Variants in RABGEF1 observed in about 807,000 individuals in gnomAD.
The protein encoded by RABGEF1 is rab5 GDP/GTP exchange factor.
Under a neutral mutation model 57.3 loss-of-function variants are expected in RABGEF1, and 26 were observed. The ratio of observed to expected loss-of-function variants is 0.45; its 90% CI spans 0.33 to 0.63. RABGEF1 has a LOEUF of 0.63. RABGEF1 is among the 20% of genes least tolerant of loss of function. The pLI is 0.02. For missense variants in RABGEF1, 464 were observed against 607.6 expected (o/e 0.76, Z 2.48); for synonymous variants, 185 against 210.7 (o/e 0.88, Z 1.06).
intron 3 of RABGEF1, among the ~76,000 whole-genome samples, chr7:66,781,795 C>T (rs1431285976): frequency 3.3e-5 from 5 of 152,196 alleles, no homozygotes; most frequent in Non-Finnish European, 7.3e-5. Flanking sequence ...CCGTGAACTC[C>T]AAATGCTATC....
chr7:66,655,073 G>C, the RABGEF1 span, among the ~76,000 whole-genome samples: 3 of 152,218 alleles, frequency 2.0e-5, no homozygotes, highest in Admixed American at 1.3e-4. Context: ...TGGGACGCTC[G>C]GACCCAGACC....
intron 4 of RABGEF1, among the ~76,000 whole-genome samples, chr7:66,794,333 C>CT (rs1813513614): frequency 7.7e-6 from 1 of 129,298 alleles, no homozygotes; most frequent in African/African-American, 2.9e-5. Flanking sequence ...CTTTTCTTTT[C>CT]TTTCTTGAGA....
chr7:66,694,642 T>C (rs1181560170), intron 1 of RABGEF1, among the ~76,000 whole-genome samples: 1 of 152,208 alleles, frequency 6.6e-6, no homozygotes, highest in Non-Finnish European at 1.5e-5. Context: ...GATGTCACGA[T>C]ACCCCGGCCA....
At chr7:66,674,378 G>A in the RABGEF1 span, among the ~76,000 whole-genome samples, 18,132 of 151,662 alleles carry the variant, frequency 0.12, 1,261 homozygotes, top group East Asian at 0.2. Flanking sequence ...AGTAGAGATG[G>A]AGTTTCACCG....
chr7:66,798,116 C>CA (rs1482137921), intron 6 of RABGEF1, among the ~76,000 whole-genome samples: 2 of 152,058 alleles, frequency 1.3e-5, no homozygotes, highest in Non-Finnish European at 2.9e-5. Flanking sequence ...GACTCCTTCT[C>CA]AAAAAAATAA....
chr7:66,783,153 A>G (rs1229495714), intron 3 of RABGEF1, among the ~76,000 whole-genome samples: 1 of 152,232 alleles, frequency 6.6e-6, no homozygotes, highest in Non-Finnish European at 1.5e-5. Flanking sequence ...TTTGATCAGT[A>G]TGACTCACCA....
At chr7:66,805,012 T>A (rs891700712) in intron 7 of RABGEF1, 128 bp from the exon 8 acceptor site, 1 of 1,064,394 alleles carries the variant, frequency 9.4e-7, no homozygotes, top group African/African-American at 1.6e-5. Flanking sequence ...TATTATATAC[T>A]AAGTTAACTG....
the RABGEF1 span, chr7:66,667,304 T>C: frequency 0.78 from 118,858 of 152,408 alleles, 46,707 homozygotes; most frequent in African/African-American, 0.88. Context: ...GCAGGTGGGG[T>C]GGGCTGGGGG....
intron 2 of RABGEF1, among the ~76,000 whole-genome samples, chr7:66,772,828 C>T (rs1388107398): frequency 6.6e-6 from 1 of 151,702 alleles, no homozygotes; most frequent in Non-Finnish European, 1.5e-5. Context: ...AGGAGAATTG[C>T]TTGAACCCAG....
chr7:66,782,596 C>T (rs1810216423), intron 3 of RABGEF1, among the ~76,000 whole-genome samples: 2 of 151,612 alleles, frequency 1.3e-5, no homozygotes, highest in South Asian at 4.2e-4. Flanking sequence ...TTAACCCCCA[C>T]AAATAGCTGG....
At chr7:66,690,808 G>A (rs1791406569) in intron 1 of RABGEF1, among the ~76,000 whole-genome samples, 1 of 151,814 alleles carries the variant, frequency 6.6e-6, no homozygotes, top group Non-Finnish European at 1.5e-5. Context: ...ATAAGGCCAG[G>A]TGCGGTGCCT....
At chr7:66,732,758 GCTGT>G (rs760994135) in intron 2 of RABGEF1, among the ~76,000 whole-genome samples, 25 of 151,496 alleles carry the variant, frequency 1.7e-4, no homozygotes, top group Non-Finnish European at 2.9e-4. Context: ...TCGCTCTCTT[GCTGT>G]CTCTCTTTCT....
intron 3 of RABGEF1, among the ~76,000 whole-genome samples, chr7:66,777,065 CAGT>C (rs1808729257): frequency 1.3e-5 from 2 of 152,220 alleles, no homozygotes; most frequent in Non-Finnish European, 2.9e-5. Flanking sequence ...CTGACACACA[CAGT>C]AGATCTCCAG....
intron 1 of RABGEF1, among the ~76,000 whole-genome samples, chr7:66,683,903 G>C (rs1325462738): frequency 1.3e-5 from 2 of 152,204 alleles, no homozygotes; most frequent in East Asian, 3.9e-4. Context: ...GCCACACCCA[G>C]CTGATTTTTA....
At chr7:66,715,611 A>C (rs1282653316) in intron 2 of RABGEF1, among the ~76,000 whole-genome samples, 2 of 152,178 alleles carry the variant, frequency 1.3e-5, no homozygotes, top group African/African-American at 4.8e-5. Flanking sequence ...AGGCATTTGA[A>C]TATTTTTTAG....
intron 1 of RABGEF1, among the ~76,000 whole-genome samples, chr7:66,770,909 A>G (rs1341810567): frequency 1.3e-5 from 2 of 152,056 alleles, no homozygotes; most frequent in Non-Finnish European, 2.9e-5. Flanking sequence ...GGCTGTTGGT[A>G]TGTCTTTGGA....
intron 2 of RABGEF1, among the ~76,000 whole-genome samples, chr7:66,772,364 A>G (rs2129112230): frequency 6.6e-6 from 1 of 152,286 alleles, no homozygotes. Context: ...GGAGATAGGC[A>G]TATTTCCTGG....
At chr7:66,660,829 A>G in the RABGEF1 span, among the ~76,000 whole-genome samples, 4 of 152,236 alleles carry the variant, frequency 2.6e-5, no homozygotes, top group Non-Finnish European at 4.4e-5. Context: ...AACTCATTCT[A>G]TGAGGCCAGC....
the RABGEF1 span, among the ~76,000 whole-genome samples, chr7:66,656,424 T>C: frequency 6.6e-6 from 1 of 152,054 alleles, no homozygotes; most frequent in Non-Finnish European, 1.5e-5. Flanking sequence ...GGAGGGTCGT[T>C]ATTAAAGTGA....
Sources: gnomAD v4.1 joint callset for allele counts (sites outside exome capture counted in the v4.1 genomes callset) on GRCh38, gnomAD v4.1.1 for gene constraint, MANE v1.5 for transcripts, NCBI Gene and HGNC (gene_info 2026-07-23, HGNC 2026-07-21) for gene names.